PDPR: variants seen among roughly 807,000 people sequenced by gnomAD.
PDPR encodes the protein pyruvate dehydrogenase phosphatase regulatory subunit, mitochondrial.
In PDPR, 50 loss-of-function variants were observed where a neutral mutation model predicts 102.2. That is an observed-to-expected ratio of 0.49 (90% confidence interval 0.39 to 0.62). The LOEUF (loss-of-function observed/expected upper bound fraction) is 0.62, where lower values mean the gene tolerates loss of function less well. Ranked by LOEUF, PDPR falls within the 20% of genes least tolerant of loss-of-function variation. The pLI is 0.00. For synonymous variants in PDPR, 259 were observed against 406.0 expected (o/e 0.64, Z 4.35); for missense variants, 625 against 1,098.2 (o/e 0.57, Z 6.09).
In PDPR at chr16:70,126,042, G is replaced by A. The variant is rs139724275; in HGVS notation, c.228-1218G>A. Among the ~76,000 whole-genome samples, 458 of 152,294 alleles carry A rather than the reference G, an allele frequency of 3.0e-3. 1 individual carries two copies. The highest frequency in any genetic ancestry group is 9.8e-3 in the African/African-American group (406 of 41,510). Reference sequence around the variant, plus strand: ...TGTGTTGGTAGGTTTGTGTATATGTGTATGGATATTCATTTATTATATTTT... The same window carrying A: ...TGTGTTGGTAGGTTTGTGTATATGTATATGGATATTCATTTATTATATTTT... On this transcript the variant is annotated intron_variant, in intron 3 of 18. Coordinates refer to ENST00000288050, the MANE Select transcript of PDPR (RefSeq NM_017990.5).
At chr16:70,120,931 CTTTTTTTT>C (rs71385643) in intron 3 of PDPR, among the ~76,000 whole-genome samples, 1,123 of 102,724 alleles carry the variant, frequency 0.011, no homozygotes, top group African/African-American at 0.04. Flanking sequence ...TTTCGTTTTC[CTTTTTTTT>C]TTTTTTTTTT....
chr16:70,127,575 G>A (rs570278275), intron 4 of PDPR, among the ~76,000 whole-genome samples, 182 bp downstream of exon 4: 16 of 152,394 alleles, frequency 1.0e-4, no homozygotes, highest in South Asian at 8.3e-4. Flanking sequence ...GGATCACGAG[G>A]TCAGGAGATC....
At chr16:70,153,307 G>C (rs1185870472) in intron 17 of PDPR, 84 bp from the exon 18 acceptor site, 4 of 1,379,996 alleles carry the variant, frequency 2.9e-6, no homozygotes, top group Admixed American at 2.3e-5. Flanking sequence ...CATGTTAATA[G>C]TGTGAGCCAT....
At chr16:70,128,021 G>A (rs1260643708) in intron 4 of PDPR, among the ~76,000 whole-genome samples, 2 of 152,234 alleles carry the variant, frequency 1.3e-5, no homozygotes, top group Non-Finnish European at 2.9e-5. Flanking sequence ...TTCCAGGAGG[G>A]TCTGATTGGA....
chr16:70,116,379 T>C (rs1962635833), intron 2 of PDPR, among the ~76,000 whole-genome samples: 1 of 140,982 alleles, frequency 7.1e-6, no homozygotes, highest in South Asian at 2.2e-4. Flanking sequence ...GCCTGGCCTT[T>C]CTTTGTTTTG....
At chr16:70,122,868 C>CACACACACACACA (rs1555520799) in intron 3 of PDPR, among the ~76,000 whole-genome samples, 2 of 149,696 alleles carry the variant, frequency 1.3e-5, no homozygotes, top group African/African-American at 2.5e-5. Context: ...CACACACACA[C>CACACACACACACA]CAGTTTAGAC....
intron 11 of PDPR, among the ~76,000 whole-genome samples, chr16:70,141,122 C>T (rs867856477): frequency 3.3e-5 from 5 of 152,210 alleles, no homozygotes; most frequent in South Asian, 4.1e-4. Flanking sequence ...GGCGTGATTT[C>T]GGCTCACTGC....
rs4985499 is a variant in PDPR at position 70,117,302 on chromosome 16, C to T, written c.-33+2372C>T. ...GGCCAAGGCAGGCGGATCACGAGGT[C>T]GGGAGATTGAGACCATCCTGGCTAA... is the stretch of plus-strand genomic sequence containing the variant. On this transcript the variant is annotated intron_variant, in intron 2 of 18. Coordinates refer to ENST00000288050, the MANE Select transcript of PDPR (RefSeq NM_017990.5). 1.3e-3 allele frequency among the ~76,000 whole-genome samples: 170 copies of T among 129,538 alleles called. 14 individuals carry two copies. Among genetic ancestry groups the T allele is most frequent in the Admixed American group, 2.4e-3 (31 of 12,836 alleles). The allele number at this position is 129,538 out of a possible 152,430, so 85.0% of individuals were successfully genotyped here. A position where few individuals can be genotyped will look rare whatever the true frequency, so the allele number is the denominator to read the frequency against.
In PDPR at chr16:70,114,352, G is replaced by C. The variant is rs533960210; in HGVS notation, c.-231G>C. On this transcript the variant is annotated 5_prime_UTR_variant, in exon 1 of 19. Coordinates refer to ENST00000288050, the MANE Select transcript of PDPR (RefSeq NM_017990.5). ...TTCCCATCCCCGAACCCCGCTTTCCGGCCCGCGGCGACCCCAGGCAACTGT... is the reference window on the plus strand; with the variant it reads ...TTCCCATCCCCGAACCCCGCTTTCCCGCCCGCGGCGACCCCAGGCAACTGT... 6.6e-6 allele frequency: 1 copy of C among 151,972 alleles called. No individual in the cohort carries two copies. Among genetic ancestry groups the C allele is most frequent in the Admixed American group, 6.5e-5 (1 of 15,268 alleles). The allele number at this position is 151,972 out of a possible 1,614,324, so 9.4% of individuals were successfully genotyped here. A position where few individuals can be genotyped will look rare whatever the true frequency, so the allele number is the denominator to read the frequency against.
rs1215405060 is a variant in PDPR at position 70,159,956 on chromosome 16, G to A, written c.*3077G>A. Reference sequence around the variant, plus strand: ...TGAAGGATTTTGGACTCTTGTGAATGGGTGACTGGACTTGGCTTTACAGAG... The same window carrying A: ...TGAAGGATTTTGGACTCTTGTGAATAGGTGACTGGACTTGGCTTTACAGAG... On this transcript the variant is annotated 3_prime_UTR_variant, in exon 19 of 19. Transcript: ENST00000288050. The A allele has an allele frequency of 6.5e-6, 1 of 153,276 alleles. No homozygotes were observed. The highest frequency in any genetic ancestry group is 1.5e-5 in the Non-Finnish European group (1 of 68,876). The allele number at this position is 153,276 out of a possible 1,614,324, so 9.5% of individuals were successfully genotyped here. A position where few individuals can be genotyped will look rare whatever the true frequency, so the allele number is the denominator to read the frequency against.
In PDPR at chr16:70,120,190, C is replaced by T. The variant is rs141310831; in HGVS notation, c.-32-271C>T. The T allele has an allele frequency of 1.9e-3, 627 of 329,884 alleles. 8 individuals carry two copies. The highest frequency in any genetic ancestry group is 0.013 in the African/African-American group (596 of 46,666). The allele number at this position is 329,884 out of a possible 1,614,324, so 20.4% of individuals were successfully genotyped here. ...GCGGCCTCCCAAAGTGCTGGGATTA[C>T]AGGTGTGAGCCACTGCGCCCAGCCT... On this transcript the variant is annotated intron_variant, in intron 2 of 18. Coordinates refer to ENST00000288050, the MANE Select transcript of PDPR (RefSeq NM_017990.5).
In PDPR at chr16:70,157,952, C is replaced by G. The variant is rs1967400197; in HGVS notation, c.*1073C>G. The G allele has an allele frequency of 1.9e-5, 3 of 154,736 alleles. No individual in the cohort carries two copies. Among genetic ancestry groups the G allele is most frequent in the African/African-American group, 7.2e-5 (3 of 41,512 alleles). The allele number at this position is 154,736 out of a possible 1,614,324, so 9.6% of individuals were successfully genotyped here. A position where few individuals can be genotyped will look rare whatever the true frequency, so the allele number is the denominator to read the frequency against. On this transcript the variant is annotated 3_prime_UTR_variant, in exon 19 of 19. Transcript: ENST00000288050. ...TCAACCTTGCGGGCTGTGCTGAGTT[C>G]CAGAGAGCTGCCGGAATTCCAGGTT...
intron 11 of PDPR, among the ~76,000 whole-genome samples, chr16:70,140,638 AC>A (rs1309272696): frequency 6.6e-6 from 1 of 152,168 alleles, no homozygotes; most frequent in East Asian, 1.9e-4. Flanking sequence ...ACATGGCGAA[AC>A]CCTGTCTCTA....
chr16:70,124,683 CA>C (rs1753473721), intron 3 of PDPR, among the ~76,000 whole-genome samples: 1 of 152,250 alleles, frequency 6.6e-6, no homozygotes, highest in Admixed American at 6.5e-5. Context: ...GCAGAGACGT[CA>C]CCAGAGCTAT....
intron 2 of PDPR, 36 bp from the exon 3 acceptor site, chr16:70,120,425 A>G: frequency 2.1e-6 from 2 of 934,282 alleles, no homozygotes; most frequent in Non-Finnish European, 1.7e-6. Context: ...TGCACTGAGT[A>G]GAATGGCATG....
chr16:70,144,385 A>T, intron 14 of PDPR, 36 bp from the exon 15 acceptor site: 1 of 524,234 alleles, frequency 1.9e-6, no homozygotes, highest in Non-Finnish European at 3.4e-6. Flanking sequence ...TTTTGCTGCT[A>T]CCTGGTTTTG....
chr16:70,118,923 G>A (rs1284078398), intron 2 of PDPR, among the ~76,000 whole-genome samples: 10 of 152,250 alleles, frequency 6.6e-5, no homozygotes, highest in African/African-American at 2.2e-4. Flanking sequence ...GATGGACATA[G>A]ATACCTTGGC....
intron 17 of PDPR, among the ~76,000 whole-genome samples, chr16:70,152,011 C>T (rs985223241): frequency 1.6e-4 from 24 of 152,266 alleles, no homozygotes; most frequent in African/African-American, 5.8e-4. Flanking sequence ...CTGGTTACAT[C>T]GTTCTTCCTT....
chr16:70,154,924 A>G (rs1966952380), intron 18 of PDPR, among the ~76,000 whole-genome samples: 1 of 152,212 alleles, frequency 6.6e-6, no homozygotes, highest in Non-Finnish European at 1.5e-5. Context: ...CAGGCGTGAG[A>G]CAGCACACCC....
Sources: gnomAD v4.1 joint callset for allele counts (sites outside exome capture counted in the v4.1 genomes callset) on GRCh38, gnomAD v4.1.1 for gene constraint, MANE v1.5 for transcripts, NCBI Gene and HGNC (gene_info 2026-07-23, HGNC 2026-07-21) for gene names.